PEX13: variants seen among roughly 807,000 people sequenced by gnomAD.
The protein encoded by PEX13 is peroxisome biogenesis factor 13.
Under a neutral mutation model 34.5 loss-of-function variants are expected in PEX13, and 28 were observed. The observed-to-expected ratio is 0.81, with a 90% CI of 0.60 to 1.11. The LOEUF (loss-of-function observed/expected upper bound fraction) is 1.11. Ranked by LOEUF, PEX13 falls within the 50% of genes most tolerant of loss-of-function variation. PEX13 has a pLI of 0.00. For missense variants in PEX13, 550 were observed against 491.0 expected (o/e 1.12, Z -1.13); for synonymous variants, 177 against 175.1 (o/e 1.01, Z -0.09).
At chr2:61,030,978 A>C (rs1262447427) in intron 1 of PEX13, among the ~76,000 whole-genome samples, 2 of 152,150 alleles carry the variant, frequency 1.3e-5, no homozygotes, top group Non-Finnish European at 2.9e-5. Flanking sequence ...AGTGTACTAA[A>C]ACCTATTAAA....
At chr2:61,017,894 G>C (rs1680118405) in intron 1 of PEX13, 43 bp downstream of exon 1, 3 of 1,532,076 alleles carry the variant, frequency 2.0e-6, no homozygotes, top group African/African-American at 2.7e-5. Context: ...GTGGGCCCGA[G>C]CGGGGACTTG....
At chr2:61,026,349 T>TC (rs1247493927) in intron 1 of PEX13, among the ~76,000 whole-genome samples, 2 of 146,164 alleles carry the variant, frequency 1.4e-5, no homozygotes, top group Non-Finnish European at 3.0e-5. Flanking sequence ...TTTTTCTTTT[T>TC]TTTTTTTTTT....
intron 2 of PEX13, among the ~76,000 whole-genome samples, chr2:61,042,664 A>G (rs554632082): frequency 3.0e-4 from 46 of 152,300 alleles, no homozygotes; most frequent in African/African-American, 1.0e-3. Flanking sequence ...TTCCGCATCA[A>G]AATAAAAATA....
chr2:61,042,696 AAAAT>A (rs1374481426), intron 2 of PEX13, among the ~76,000 whole-genome samples: 1 of 152,212 alleles, frequency 6.6e-6, no homozygotes, highest in Non-Finnish European at 1.5e-5. Context: ...GGCTGCAACC[AAAAT>A]AAGTTCCTGA....
intron 1 of PEX13, among the ~76,000 whole-genome samples, chr2:61,023,412 C>CAG (rs1240194203): frequency 6.6e-6 from 1 of 151,224 alleles, no homozygotes; most frequent in Non-Finnish European, 1.5e-5. Flanking sequence ...GACACACACA[C>CAG]ACACACACAC....
At chr2:61,042,503 TA>T (rs932747251) in intron 2 of PEX13, among the ~76,000 whole-genome samples, 13 of 151,962 alleles carry the variant, frequency 8.6e-5, no homozygotes, top group African/African-American at 2.4e-4. Flanking sequence ...AATTAGATAG[TA>T]AAAAAAACTG....
chr2:61,036,047 A>G (rs1680529495), intron 2 of PEX13, among the ~76,000 whole-genome samples: 1 of 152,106 alleles, frequency 6.6e-6, no homozygotes, highest in Admixed American at 6.5e-5. Flanking sequence ...TGAAGATCAA[A>G]TTAATGAAAT....
chr2:61,025,210 A>T (rs1680332243), intron 1 of PEX13, among the ~76,000 whole-genome samples: 1 of 151,934 alleles, frequency 6.6e-6, no homozygotes. Context: ...CTGGGATTAC[A>T]GGCACCTGCC....
At position 61,049,790 on chromosome 2, in the gene PEX13, T is replaced by C. The variant is rs994174534; in HGVS notation, c.*1020T>C. The C allele has an allele frequency of 6.6e-6, 1 of 152,156 alleles. No individual in the cohort carries two copies. The highest frequency in any genetic ancestry group is 2.4e-5 in the African/African-American group (1 of 41,446). The allele number at this position is 152,156 out of a possible 1,614,324, so 9.4% of individuals were successfully genotyped here. A position where few individuals can be genotyped will look rare whatever the true frequency, so the allele number is the denominator to read the frequency against. ...AACTCCATCTCAAAAAATAAAATTA[T>C]TTATTTCTTTAAAATATGACTAGTT... is the stretch of plus-strand genomic sequence containing the variant. On this transcript the variant is annotated 3_prime_UTR_variant, in exon 4 of 4. Transcript: ENST00000295030.
Position 61,017,827 on chromosome 2 carries a change from G to A in PEX13, c.68G>A (p.Gly23Glu). The change falls in exon 1 of 4, where the codon GGA becomes GAA. Residue 23 changes from glycine to glutamate, a missense_variant. Transcript: ENST00000295030. ...ETRRIPGAGP[G>E]PGPGPTFQSA... ...CGCCGAATTCCGGGAGCCGGACCGG[G>A]ACCAGGACCGGGCCCCACTTTCCAG... The A allele has an allele frequency of 1.3e-6, 2 of 1,550,544 alleles. No individual in the cohort carries two copies. The highest frequency in any genetic ancestry group is 1.7e-6 in the Non-Finnish European group (2 of 1,146,796).
At chr2:61,027,515 A>G (rs1381489863) in intron 1 of PEX13, among the ~76,000 whole-genome samples, 2 of 152,158 alleles carry the variant, frequency 1.3e-5, no homozygotes, top group African/African-American at 4.8e-5. Context: ...AGCAAATTTT[A>G]TAATCTCTTT....
chr2:61,020,127 G>A (rs1680228825), intron 1 of PEX13, among the ~76,000 whole-genome samples: 1 of 152,188 alleles, frequency 6.6e-6, no homozygotes, highest in Non-Finnish European at 1.5e-5. Context: ...TCAGGAGGCT[G>A]AGGCAGGAGA....
At chr2:61,046,099 C>G (rs1466259935) in intron 3 of PEX13, among the ~76,000 whole-genome samples, 3 of 152,104 alleles carry the variant, frequency 2.0e-5, no homozygotes. Context: ...TTTCTAAACT[C>G]AAAATACTTG....
chr2:61,048,407 C>T, intron 3 of PEX13, 65 bp from the exon 4 acceptor site: 1 of 1,294,984 alleles, frequency 7.7e-7, no homozygotes, highest in Non-Finnish European at 1.1e-6. Flanking sequence ...GATATTTTAC[C>T]ATTACTATTC....
chr2:61,034,016 A>T (rs1414793552), intron 2 of PEX13, among the ~76,000 whole-genome samples: 2 of 151,680 alleles, frequency 1.3e-5, no homozygotes, highest in South Asian at 4.2e-4. Context: ...TTTCTTCGGG[A>T]GACAGAGTCT....
At chr2:61,026,344 C>CTTTTTT (rs71402320) in intron 1 of PEX13, among the ~76,000 whole-genome samples, 14 of 121,234 alleles carry the variant, frequency 1.2e-4, no homozygotes, top group East Asian at 4.6e-4. Context: ...TTTCTTTTTT[C>CTTTTTT]TTTTTTTTTT....
At chr2:61,018,786 G>T (rs943863694) in intron 1 of PEX13, 3 of 152,314 alleles carry the variant, frequency 2.0e-5, no homozygotes, top group African/African-American at 7.2e-5. Flanking sequence ...AGTTTGATTA[G>T]GCTGGTAAGC....
chr2:61,035,001 C>T (rs950237883), intron 2 of PEX13, among the ~76,000 whole-genome samples: 1 of 152,242 alleles, frequency 6.6e-6, no homozygotes, highest in African/African-American at 2.4e-5. Context: ...TCCAAGAATG[C>T]AGACTGCTTC....
At position 61,048,899 on chromosome 2, in the gene PEX13, G is replaced by C. The variant is rs1315513989; in HGVS notation, c.*129G>C. 2 of 807,022 alleles carry C rather than the reference G, an allele frequency of 2.5e-6. No homozygotes were observed. The highest frequency in any genetic ancestry group is 2.0e-6 in the Non-Finnish European group (1 of 497,782). The allele number at this position is 807,022 out of a possible 1,614,324, so 50.0% of individuals were successfully genotyped here. A position where few individuals can be genotyped will look rare whatever the true frequency, so the allele number is the denominator to read the frequency against. Reference sequence around the variant, plus strand: ...GGCTATTTCAGGTGTTTTGCTGCTAGAAATTATTAAAGTTACACACTAGTA... The same window carrying C: ...GGCTATTTCAGGTGTTTTGCTGCTACAAATTATTAAAGTTACACACTAGTA... On this transcript the variant is annotated 3_prime_UTR_variant, in exon 4 of 4. Coordinates refer to ENST00000295030, the MANE Select transcript of PEX13 (RefSeq NM_002618.4).
Sources: allele counts gnomAD v4.1 joint callset (sites outside exome capture counted in the v4.1 genomes callset), GRCh38; gene constraint gnomAD v4.1.1; transcripts MANE v1.5; gene names NCBI Gene and HGNC (gene_info 2026-07-23, HGNC 2026-07-21).